GRIA4: variants seen among roughly 807,000 people sequenced by gnomAD.
GRIA4 encodes the protein glutamate receptor 4.
In GRIA4, 34 loss-of-function variants were observed where a neutral mutation model predicts 104.0. The ratio of observed to expected loss-of-function variants is 0.33; its 90% CI spans 0.25 to 0.44. The LOEUF (loss-of-function observed/expected upper bound fraction) is 0.44, where lower values mean the gene tolerates loss of function less well. Among genes scored for constraint, GRIA4 ranks in the 20% least tolerant of loss-of-function variants. GRIA4 has a pLI of 1.00. For missense variants in GRIA4, 750 were observed against 1,096.5 expected (o/e 0.68, Z 4.46); for synonymous variants, 386 against 381.9 (o/e 1.01, Z -0.13).
intron 3 of GRIA4, among the ~76,000 whole-genome samples, chr11:105,668,217 C>CACA (rs1952231814): frequency 4.6e-5 from 1 of 21,566 alleles, no homozygotes; most frequent in South Asian, 2.8e-3. Context: ...CACACACACA[C>CACA]ATATAATATA....
chr11:105,719,414 G>C (rs1954217997), intron 3 of GRIA4, among the ~76,000 whole-genome samples: 1 of 152,030 alleles, frequency 6.6e-6, no homozygotes, highest in Non-Finnish European at 1.5e-5. Context: ...CTTTCTTTGT[G>C]CATATGTCTG....
At chr11:105,962,666 G>A (rs1204555586) in intron 14 of GRIA4, among the ~76,000 whole-genome samples, 1 of 152,018 alleles carries the variant, frequency 6.6e-6, no homozygotes, top group Non-Finnish European at 1.5e-5. Flanking sequence ...CTAGATTTTC[G>A]CTAAGGCATA....
chr11:105,800,278 A>T lies in GRIA4; in HGVS notation c.487+47058A>T, dbSNP rs568372174. On this transcript the variant is annotated intron_variant, in intron 4 of 16. Transcript: ENST00000282499. ...ACTACAGTGTGAAAGGGTGAAATCA[A>T]GAGAAATGACAAAGAGGAAGTTACA... Among the ~76,000 whole-genome samples the T allele has an allele frequency of 3.2e-4, 48 of 152,200 alleles. No homozygotes were observed. The Middle Eastern group carries it at 0.014, about 43-fold the overall frequency.
At chr11:105,728,807 T>C (rs1383116738) in intron 3 of GRIA4, among the ~76,000 whole-genome samples, 2 of 152,054 alleles carry the variant, frequency 1.3e-5, no homozygotes, top group Non-Finnish European at 1.5e-5. Context: ...AAACTAATGA[T>C]AACAAAGACA....
chr11:105,748,469 T>C (rs1448752774), intron 3 of GRIA4, among the ~76,000 whole-genome samples: 2 of 151,860 alleles, frequency 1.3e-5, no homozygotes, highest in Non-Finnish European at 2.9e-5. Context: ...AACCTCCACC[T>C]CTGGGGTTCA....
chr11:105,887,258 T>A (rs1946298102), intron 5 of GRIA4, among the ~76,000 whole-genome samples: 1 of 152,146 alleles, frequency 6.6e-6, no homozygotes, highest in African/African-American at 2.4e-5. Context: ...CATAGCATTG[T>A]CATTCTTTTT....
chr11:105,847,276 T>C (rs1944634021), intron 4 of GRIA4, among the ~76,000 whole-genome samples: 1 of 152,210 alleles, frequency 6.6e-6, no homozygotes, highest in African/African-American at 2.4e-5. Context: ...CTAATGCCAC[T>C]GCTGTCCTGA....
intron 10 of GRIA4, among the ~76,000 whole-genome samples, chr11:105,917,772 A>T (rs1476863602): frequency 6.6e-6 from 1 of 150,436 alleles, no homozygotes; most frequent in African/African-American, 2.4e-5. Context: ...GCTTTTTGCT[A>T]AAATGTCTCT....
intron 14 of GRIA4, among the ~76,000 whole-genome samples, chr11:105,938,614 T>G (rs1948110406): frequency 6.6e-6 from 1 of 152,176 alleles, no homozygotes; most frequent in Non-Finnish European, 1.5e-5. Context: ...TTATTTTTTG[T>G]AATCCCATTA....
chr11:105,725,695 C>T (rs887153097), intron 3 of GRIA4, among the ~76,000 whole-genome samples: 14 of 151,998 alleles, frequency 9.2e-5, no homozygotes, highest in African/African-American at 1.9e-4. Flanking sequence ...CTGAGGAAAC[C>T]GGTTCATCTC....
At chr11:105,856,729 T>C (rs963034408) in intron 4 of GRIA4, among the ~76,000 whole-genome samples, 1 of 152,180 alleles carries the variant, frequency 6.6e-6, no homozygotes, top group African/African-American at 2.4e-5. Context: ...ATTTAAAGTA[T>C]CAAATTTTCT....
At chr11:105,635,077 A>C (rs1040780403) in intron 3 of GRIA4, among the ~76,000 whole-genome samples, 2 of 152,174 alleles carry the variant, frequency 1.3e-5, no homozygotes, top group Admixed American at 1.3e-4. Flanking sequence ...GTTTCTGGTA[A>C]GTGTATTGAC....
At chr11:105,760,966 GA>G (rs1233123949) in intron 4 of GRIA4, among the ~76,000 whole-genome samples, 1 of 152,068 alleles carries the variant, frequency 6.6e-6, no homozygotes, top group Admixed American at 6.5e-5. Context: ...GCACTATTAA[GA>G]TTGAAATACA....
At chr11:105,722,359 A>C (rs1565491866) in intron 3 of GRIA4, among the ~76,000 whole-genome samples, 1 of 152,080 alleles carries the variant, frequency 6.6e-6, no homozygotes, top group African/African-American at 2.4e-5. Flanking sequence ...ACAACTCAAC[A>C]TTTTTCAGTC....
chr11:105,973,841 A>G lies in GRIA4; in HGVS notation c.2410-469A>G, dbSNP rs181210825. On this transcript the variant is annotated intron_variant, in intron 15 of 16. Transcript: ENST00000282499. The stretch of plus-strand genomic sequence containing the variant: ...TCAACAACTCCTTAGTTGCTCAACT[A>G]GGAAATGCGGAGTTGGATTTATTCA... 1.1e-3 allele frequency among the ~76,000 whole-genome samples: 160 copies of G among 152,302 alleles called. 3 individuals carry two copies. The highest frequency in any genetic ancestry group is 3.8e-4 in the Non-Finnish European group (26 of 68,012).
rs996291271 is a variant in GRIA4 at position 105,644,156 on chromosome 11, GA to G, written c.247+31730del. On this transcript the variant is annotated intron_variant, in intron 3 of 16. Transcript: ENST00000282499. ...TGAAACAACTCATCTAATTTAAGGA[GA>G]AAAAAAATGTGTGGTGGGAGAAAGG... 3.2e-4 allele frequency among the ~76,000 whole-genome samples: 48 copies of G among 152,028 alleles called. 1 individual carries two copies. The highest frequency in any genetic ancestry group is 2.9e-3 in the East Asian group (15 of 5,174).
intron 10 of GRIA4, among the ~76,000 whole-genome samples, chr11:105,911,380 C>T (rs556122802): frequency 5.3e-5 from 8 of 151,984 alleles, no homozygotes; most frequent in Non-Finnish European, 1.2e-4. Context: ...GATCAACAAT[C>T]GGTGACCTTT....
At chr11:105,939,682 T>A (rs1261881739) in intron 14 of GRIA4, among the ~76,000 whole-genome samples, 1 of 152,190 alleles carries the variant, frequency 6.6e-6, no homozygotes, top group African/African-American at 2.4e-5. Flanking sequence ...CACTATAGGA[T>A]CTCAGGTTAT....
At chr11:105,826,559 G>A (rs1943778093) in intron 4 of GRIA4, among the ~76,000 whole-genome samples, 1 of 152,040 alleles carries the variant, frequency 6.6e-6, no homozygotes, top group Non-Finnish European at 1.5e-5. Context: ...AGGAGAAGCT[G>A]AGCCTTTAGA....
Sources: allele counts gnomAD v4.1 joint callset (sites outside exome capture counted in the v4.1 genomes callset), GRCh38; gene constraint gnomAD v4.1.1; transcripts MANE v1.5; gene names NCBI Gene and HGNC (gene_info 2026-07-23, HGNC 2026-07-21).